SLX4IP: variants seen among roughly 807,000 people sequenced by gnomAD.
The protein encoded by SLX4IP is SLX4 interacting protein.
In SLX4IP, 34 loss-of-function variants were observed where a neutral mutation model predicts 32.9. The ratio of observed to expected loss-of-function variants is 1.03; its 90% CI spans 0.79 to 1.38. The LOEUF (loss-of-function observed/expected upper bound fraction) is 1.38. SLX4IP is among the 40% of genes most tolerant of loss of function. The probability of loss-of-function intolerance (pLI) is 0.00; values close to 1 mark genes in which losing one functional copy is unlikely to be tolerated. For missense variants in SLX4IP, 444 were observed against 479.0 expected (o/e 0.93, Z 0.68); for synonymous variants, 172 against 171.7 (o/e 1.00, Z -0.01).
chr20:10,474,570 T>TC (rs71333002), intron 2 of SLX4IP, among the ~76,000 whole-genome samples: 92 of 151,616 alleles, frequency 6.1e-4, no homozygotes, highest in Middle Eastern at 6.8e-3. Context: ...TTTTCTTTTT[T>TC]CCCCCGCTCC....
chr20:10,511,982 A>C (rs1237160612), intron 2 of SLX4IP, among the ~76,000 whole-genome samples: 1 of 152,260 alleles, frequency 6.6e-6, no homozygotes, highest in Non-Finnish European at 1.5e-5. Context: ...ATAGCATACA[A>C]ATGTGAGATT....
intron 6 of SLX4IP, among the ~76,000 whole-genome samples, chr20:10,620,720 GT>G (rs556284766): frequency 6.6e-6 from 1 of 151,878 alleles, no homozygotes; most frequent in Non-Finnish European, 1.5e-5. Flanking sequence ...CGTCCCGCTA[GT>G]TTTTTTTGTA....
intron 2 of SLX4IP, among the ~76,000 whole-genome samples, chr20:10,531,267 G>GT (rs924829128): frequency 1.3e-5 from 2 of 152,194 alleles, no homozygotes; most frequent in South Asian, 2.1e-4. Flanking sequence ...GATTAAAAAT[G>GT]TAGATGGACA....
intron 2 of SLX4IP, among the ~76,000 whole-genome samples, chr20:10,463,648 G>A (rs1197711038): frequency 2.6e-5 from 4 of 152,174 alleles, no homozygotes; most frequent in Non-Finnish European, 4.4e-5. Flanking sequence ...GGCCTGTCAG[G>A]TAGCATGGGA....
chr20:10,620,630 T>C (rs187971903), intron 6 of SLX4IP, among the ~76,000 whole-genome samples: 77 of 152,276 alleles, frequency 5.1e-4, no homozygotes, highest in African/African-American at 1.7e-3. Flanking sequence ...CTCGGCTCAC[T>C]GCAAGCTCCG....
At chr20:10,509,696 ATTT>A (rs1168309591) in intron 2 of SLX4IP, among the ~76,000 whole-genome samples, 1 of 143,036 alleles carries the variant, frequency 7.0e-6, no homozygotes, top group Non-Finnish European at 1.5e-5. Flanking sequence ...TGATGAATAC[ATTT>A]TTTTTTTTTT....
At chr20:10,605,532 A>ACGGC in intron 6 of SLX4IP, among the ~76,000 whole-genome samples, 1 of 152,232 alleles carries the variant, frequency 6.6e-6, no homozygotes, top group African/African-American at 2.4e-5. Flanking sequence ...CTCAGAAGGA[A>ACGGC]AGTCCAAAAT....
At chr20:10,588,235 T>C (rs548792545) in intron 4 of SLX4IP, among the ~76,000 whole-genome samples, 24 of 152,268 alleles carry the variant, frequency 1.6e-4, no homozygotes, top group Admixed American at 1.1e-3. Flanking sequence ...AAACATATAA[T>C]TGTAAACAGG....
At chr20:10,488,379 G>A (rs981956787) in intron 2 of SLX4IP, among the ~76,000 whole-genome samples, 2 of 152,142 alleles carry the variant, frequency 1.3e-5, no homozygotes, top group African/African-American at 2.4e-5. Flanking sequence ...GGAGCTAGGA[G>A]AAGAGGCATG....
chr20:10,509,547 C>G (rs530314445), intron 2 of SLX4IP, among the ~76,000 whole-genome samples: 14 of 152,318 alleles, frequency 9.2e-5, no homozygotes, highest in Non-Finnish European at 1.8e-4. Context: ...CGCCTTGATA[C>G]AGACCAGATT....
At chr20:10,620,778 A>T (rs1333126707) in intron 6 of SLX4IP, among the ~76,000 whole-genome samples, 1 of 152,100 alleles carries the variant, frequency 6.6e-6, no homozygotes, top group Non-Finnish European at 1.5e-5. Context: ...GATGGTCTCG[A>T]TCTCCTGACC....
intron 1 of SLX4IP, among the ~76,000 whole-genome samples, chr20:10,439,004 C>T (rs1477079031): frequency 6.6e-6 from 1 of 151,756 alleles, no homozygotes; most frequent in African/African-American, 2.4e-5. Context: ...ACACGCCTGG[C>T]CATCATAATT....
intron 6 of SLX4IP, among the ~76,000 whole-genome samples, chr20:10,612,116 CAT>C (rs1459995158): frequency 1.3e-5 from 2 of 152,188 alleles, no homozygotes; most frequent in Non-Finnish European, 2.9e-5. Context: ...CTTTGGGAAT[CAT>C]ATGAGTTCTT....
chr20:10,483,860 TA>T (rs1166408058), intron 2 of SLX4IP, among the ~76,000 whole-genome samples: 1 of 144,578 alleles, frequency 6.9e-6, no homozygotes, highest in African/African-American at 2.6e-5. Flanking sequence ...AAGCAAATCG[TA>T]AGACCTTATT....
intron 2 of SLX4IP, among the ~76,000 whole-genome samples, chr20:10,522,646 C>T (rs1476284031): frequency 1.3e-5 from 2 of 152,170 alleles, no homozygotes; most frequent in Admixed American, 6.5e-5. Flanking sequence ...AATGCCCTTC[C>T]GTCACTCAGT....
intron 6 of SLX4IP, chr20:10,613,617 T>C: frequency 1.9e-6 from 3 of 1,613,818 alleles, no homozygotes; most frequent in Non-Finnish European, 2.5e-6. Context: ...TCTGCTCATT[T>C]CTGCTTCTTT....
At chr20:10,555,554 C>T (rs913194491) in intron 2 of SLX4IP, among the ~76,000 whole-genome samples, 2 of 152,174 alleles carry the variant, frequency 1.3e-5, no homozygotes, top group Admixed American at 6.5e-5. Flanking sequence ...CCACATATGG[C>T]TATCTTATTG....
intron 2 of SLX4IP, among the ~76,000 whole-genome samples, chr20:10,460,969 G>A (rs2065332534): frequency 6.6e-6 from 1 of 152,182 alleles, no homozygotes; most frequent in African/African-American, 2.4e-5. Context: ...TAAAATGTAT[G>A]TCTTCAATTT....
intron 2 of SLX4IP, 33 bp downstream of exon 2, chr20:10,458,264 G>A: frequency 6.5e-7 from 1 of 1,536,496 alleles, no homozygotes; most frequent in Non-Finnish European, 8.8e-7. Flanking sequence ...TTAAAAAGAG[G>A]CTAATCACTT....
Sources: allele counts gnomAD v4.1 joint callset (sites outside exome capture counted in the v4.1 genomes callset), GRCh38; gene constraint gnomAD v4.1.1; transcripts MANE v1.5; gene names NCBI Gene and HGNC (gene_info 2026-07-23, HGNC 2026-07-21).